Variants in ZMYND8 observed in about 807,000 individuals in gnomAD.
The protein encoded by ZMYND8 is zinc finger MYND-type containing 8.
A neutral mutation model predicts 140.8 loss-of-function variants in ZMYND8; 37 were observed. The ratio of observed to expected loss-of-function variants is 0.26; its 90% CI spans 0.20 to 0.35. The LOEUF is 0.35. ZMYND8 is among the 10% of genes least tolerant of loss of function. The pLI is 1.00. For synonymous variants in ZMYND8, 592 were observed against 597.1 expected, an observed-to-expected ratio of 0.99 and a Z score of 0.12; for missense variants, 1,068 against 1,570.0, an observed-to-expected ratio of 0.68 and a Z score of 5.40.
intron 3 of ZMYND8, among the ~76,000 whole-genome samples, chr20:47,303,662 C>CA (rs2078254080): frequency 1.3e-5 from 2 of 151,970 alleles, no homozygotes; most frequent in African/African-American, 4.8e-5. Flanking sequence ...CACCACTGCA[C>CA]TCCAGCCTGT....
rs765740862 is a variant in ZMYND8, at chr20:47,224,354, G to A, written c.3219C>T (p.Ala1073=). Residue 1073 remains alanine (A), a synonymous_variant, in exon 19 of 23, where the codon GCC becomes GCT. Transcript: ENST00000471951. ...AGGACTTCATGTGCTCAGGCCAGTG[G>A]GCTTGCTGGCAGGGGTAGTCACAGT... The part of the protein sequence containing the change: ...TSYCDYPCQQ[A]HWPEHMKSCT... The A allele has an allele frequency of 6.2e-7, 1 of 1,614,236 alleles. No homozygotes were observed. The highest frequency in any genetic ancestry group is 8.5e-7 in the Non-Finnish European group (1 of 1,180,042).
chr20:47,242,177 C>T (rs2040052315), intron 14 of ZMYND8, among the ~76,000 whole-genome samples: 3 of 152,150 alleles, frequency 2.0e-5, no homozygotes, highest in South Asian at 4.1e-4. Flanking sequence ...ATTACTCCAG[C>T]AAGGATTTTC....
At chr20:47,290,037 T>C (rs2077158572) in intron 7 of ZMYND8, 150 bp downstream of exon 7, 1 of 626,936 alleles carries the variant, frequency 1.6e-6, no homozygotes, top group African/African-American at 1.9e-5. Flanking sequence ...TAAAATGAAC[T>C]TGGTCACTGC....
At chr20:47,223,563 G>T (rs974580446) in intron 19 of ZMYND8, among the ~76,000 whole-genome samples, 2 of 149,976 alleles carry the variant, frequency 1.3e-5, no homozygotes, top group African/African-American at 4.9e-5. Context: ...TGTGGCTCAC[G>T]CCTGTAATCC....
At chr20:47,356,627 GA>G (rs770594993) in intron 1 of ZMYND8, 29 bp downstream of exon 1, 114 of 1,613,942 alleles carry the variant, frequency 7.1e-5, no homozygotes, top group Non-Finnish European at 8.7e-5. Context: ...GAGGGAGGGG[GA>G]AAAAAGATGG....
intron 21 of ZMYND8, among the ~76,000 whole-genome samples, chr20:47,215,671 A>G (rs767666406): frequency 2.0e-5 from 3 of 152,150 alleles, no homozygotes; most frequent in African/African-American, 7.2e-5. Flanking sequence ...TAGCTCTAGA[A>G]TAACAACCCT....
Position 47,276,596 on chromosome 20 carries a change from C to A in ZMYND8, c.1198G>T (p.Asp400Tyr), listed in dbSNP as rs1424695810. 2 of 1,613,574 alleles carry A rather than the reference C, an allele frequency of 1.2e-6. No individual in the cohort carries two copies. Among genetic ancestry groups the A allele is most frequent in the Non-Finnish European group, 1.7e-6 (2 of 1,179,996 alleles). The change falls in exon 11 of 23, where the codon GAT becomes TAT. Residue 400 changes from aspartate to tyrosine, a missense_variant. Physicochemically the swap from Asp to Tyr is radical, Grantham distance 160. Transcript: ENST00000471951. ...GTGCCGGCGCTGGGGTTGGTGGGAT[C>A]GAGCAGCATTTGATACTGGCTGTTG... ...TPNSQYQMLL[D>Y]PTNPSAGTAK...
At position 47,316,220 on chromosome 20, in the gene ZMYND8, A is replaced by G. The variant is rs138054908; in HGVS notation, c.86-6016T>C. On this transcript the variant is annotated intron_variant, in intron 2 of 22. Transcript: ENST00000471951. ...ATGGTGAGCACCTATAATCCCAGCT[A>G]CTCAGGAGGCTGAGGCAGGAAAATT... is the stretch of plus-strand genomic sequence containing the variant. Among the ~76,000 whole-genome samples, 443 of 151,864 alleles carry G rather than the reference A, an allele frequency of 2.9e-3. 3 individuals carry two copies. Among genetic ancestry groups the G allele is most frequent in the Non-Finnish European group, 4.8e-3 (328 of 67,968 alleles).
intron 12 of ZMYND8, among the ~76,000 whole-genome samples, chr20:47,255,373 T>G (rs976282594): frequency 2.0e-5 from 3 of 151,868 alleles, no homozygotes; most frequent in East Asian, 1.9e-4. Context: ...AAAAACAAAC[T>G]CTATAAAAGA....
chr20:47,298,419 A>G lies in ZMYND8; in HGVS notation c.453+310T>C, dbSNP rs529984366. 3.0e-6 allele frequency: 3 copies of G among 985,448 alleles called. No individual in the cohort carries two copies. Among genetic ancestry groups the G allele is most frequent in the East Asian group, 2.3e-4 (2 of 8,818 alleles). 61.0% of individuals were successfully genotyped at this position (985,448 alleles called of 1,614,324 possible). ...TCTTTTCAAAATGTGTGAGCCGTTC[A>G]TGATTTGGGAGTTAACTTTCAAAAA... On this transcript the variant is annotated intron_variant, in intron 4 of 22. Transcript: ENST00000471951. The surrounding 1 kb of genome is among the most constrained non-coding windows in gnomAD (Gnocchi z 5.0).
intron 2 of ZMYND8, among the ~76,000 whole-genome samples, chr20:47,334,097 G>A (rs1328019789): frequency 6.6e-6 from 1 of 152,168 alleles, no homozygotes; most frequent in Non-Finnish European, 1.5e-5. Context: ...TTGTATAATA[G>A]TGTTGACTCT....
At chr20:47,223,433 G>C (rs925392482) in intron 19 of ZMYND8, among the ~76,000 whole-genome samples, 1 of 151,582 alleles carries the variant, frequency 6.6e-6, no homozygotes, top group Non-Finnish European at 1.5e-5. Flanking sequence ...TGGAAGCCAG[G>C]AGGCAGGGTT....
intron 15 of ZMYND8, 96 bp downstream of exon 15, chr20:47,238,662 A>G: frequency 6.5e-7 from 1 of 1,529,898 alleles, no homozygotes; most frequent in Non-Finnish European, 8.8e-7. Flanking sequence ...AACAAACGAG[A>G]ACTAAAAAAA....
At chr20:47,287,894 A>G (rs919078977) in intron 7 of ZMYND8, among the ~76,000 whole-genome samples, 2 of 152,050 alleles carry the variant, frequency 1.3e-5, no homozygotes, top group African/African-American at 4.8e-5. Flanking sequence ...CAGCTCCTCA[A>G]GAAGTCATAC....
chr20:47,276,246 A>T, intron 11 of ZMYND8, 68 bp downstream of exon 11: 1 of 1,465,040 alleles, frequency 6.8e-7, no homozygotes, highest in Admixed American at 2.3e-5. Context: ...TGGGCCCACC[A>T]AGTGTGCACC....
chr20:47,245,674 T>C (rs891337042), intron 14 of ZMYND8, among the ~76,000 whole-genome samples: 6 of 152,206 alleles, frequency 3.9e-5, no homozygotes, highest in Admixed American at 6.5e-5. Context: ...AATGAGCATA[T>C]TGGAAAAGAA....
At position 47,210,920 on chromosome 20, in the gene ZMYND8, T is replaced by C. The variant is rs752170255; in HGVS notation, c.3569-23A>G. On this transcript the variant is annotated intron_variant, in intron 22 of 22. Transcript: ENST00000471951. ...GGTCTGAGGGGGAAAACCAATGTGTTTAGCGTGCCTGCCCACCTGCGCCTG... is the reference window on the plus strand; with the variant it reads ...GGTCTGAGGGGGAAAACCAATGTGTCTAGCGTGCCTGCCCACCTGCGCCTG... The C allele has an allele frequency of 1.2e-5, 20 of 1,607,052 alleles. 1 individual carries two copies. The Admixed American group carries it at 3.0e-4, about 24-fold the overall frequency.
In ZMYND8 at chr20:47,309,432, A is replaced by G. The variant is rs2078748919; in HGVS notation, c.234+624T>C. ...GCGATTCTCCTGCCTCGGCCTCCCG[A>G]GTAGCTGGGACTACAGGCGCATGCC... On this transcript the variant is annotated intron_variant, in intron 3 of 22. Transcript: ENST00000471951. 2.0e-5 allele frequency among the ~76,000 whole-genome samples: 3 copies of G among 152,072 alleles called. No homozygotes were observed. In the South Asian group the frequency reaches 6.2e-4, roughly 32 times the overall value.
chr20:47,304,002 T>G (rs2078284946), intron 3 of ZMYND8, among the ~76,000 whole-genome samples: 2 of 150,122 alleles, frequency 1.3e-5, no homozygotes, highest in Non-Finnish European at 2.9e-5. Flanking sequence ...TATCTGCTGC[T>G]TGTAAGTGTT....
Sources: gnomAD v4.1 joint callset for allele counts (sites outside exome capture counted in the v4.1 genomes callset) on GRCh38, gnomAD v4.1.1 for gene constraint, Gnocchi (gnomAD v3.1) non-coding constraint, MANE v1.5 for transcripts, NCBI Gene and HGNC (gene_info 2026-07-23, HGNC 2026-07-21) for gene names.